The following AUTS2 variants were observed in gnomAD, a reference collection of about 807,000 sequenced individuals.
AUTS2 encodes activator of transcription and developmental regulator AUTS2, also known as autism susceptibility gene 2 protein.
In AUTS2, 17 loss-of-function variants were observed where a neutral mutation model predicts 112.4. The ratio of observed to expected loss-of-function variants is 0.15; its 90% CI spans 0.10 to 0.23. The LOEUF (loss-of-function observed/expected upper bound fraction) is 0.23. AUTS2 is among the 10% of genes least tolerant of loss of function. AUTS2 has a pLI of 1.00. For synonymous variants in AUTS2, 751 were observed against 702.7 expected (o/e 1.07, Z -1.09); for missense variants, 1,510 against 1,701.6 (o/e 0.89, Z 1.98).
intron 1 of AUTS2, among the ~76,000 whole-genome samples, chr7:69,880,788 G>A (rs1191688591): frequency 2.0e-5 from 3 of 152,228 alleles, no homozygotes; most frequent in Non-Finnish European, 2.9e-5. Context: ...AGAGGGTGGT[G>A]ACAATGGTGG....
chr7:69,821,491 G>A (rs761562911), intron 1 of AUTS2, among the ~76,000 whole-genome samples: 11 of 152,200 alleles, frequency 7.2e-5, no homozygotes, highest in Non-Finnish European at 1.6e-4. Flanking sequence ...GGCTACCCCA[G>A]CCAGCGGTAG....
intron 4 of AUTS2, among the ~76,000 whole-genome samples, chr7:70,366,401 C>T (rs1792571956): frequency 6.6e-6 from 1 of 151,936 alleles, no homozygotes; most frequent in South Asian, 2.1e-4. Context: ...GTAAAGCTCC[C>T]CAGAGAGAGA....
chr7:70,170,148 T>C (rs1808593952), intron 4 of AUTS2, among the ~76,000 whole-genome samples: 1 of 149,624 alleles, frequency 6.7e-6, no homozygotes, highest in Non-Finnish European at 1.5e-5. Flanking sequence ...ATTTGATAGC[T>C]AAATGCAAGT....
intron 5 of AUTS2, among the ~76,000 whole-genome samples, chr7:70,444,339 T>C (rs1331742449): frequency 7.1e-6 from 1 of 140,446 alleles, no homozygotes; most frequent in East Asian, 2.0e-4. Context: ...TTTTTGGTCA[T>C]GTACGTGTGT....
chr7:70,380,013 G>A (rs540432609), intron 4 of AUTS2, among the ~76,000 whole-genome samples: 5 of 152,300 alleles, frequency 3.3e-5, no homozygotes, highest in African/African-American at 9.6e-5. Context: ...ATTCTCCAGG[G>A]TGAGGATGCA....
chr7:70,479,648 AT>A (rs200926776), intron 5 of AUTS2, among the ~76,000 whole-genome samples: 6 of 149,472 alleles, frequency 4.0e-5, no homozygotes, highest in African/African-American at 1.5e-4. Flanking sequence ...AAAAAAAAAA[AT>A]GATGCCAAAG....
At chr7:70,181,128 C>CT (rs1308096390) in intron 4 of AUTS2, among the ~76,000 whole-genome samples, 7 of 152,220 alleles carry the variant, frequency 4.6e-5, no homozygotes, top group South Asian at 4.1e-4. Context: ...ATTCAGGTTG[C>CT]TATGTTTTGC....
intron 5 of AUTS2, among the ~76,000 whole-genome samples, chr7:70,482,189 C>G (rs1028154498): frequency 4.6e-5 from 7 of 152,166 alleles, no homozygotes; most frequent in Non-Finnish European, 7.3e-5. Flanking sequence ...AAGCATTTCT[C>G]CTTAAAACCT....
intron 5 of AUTS2, among the ~76,000 whole-genome samples, chr7:70,614,479 G>T (rs536089492): frequency 6.6e-6 from 1 of 152,302 alleles, no homozygotes; most frequent in East Asian, 1.9e-4. Flanking sequence ...CTAAGTGGAG[G>T]TGTGGGGGTT....
intron 2 of AUTS2, among the ~76,000 whole-genome samples, chr7:70,028,468 A>G (rs1800626013): frequency 6.6e-6 from 1 of 152,180 alleles, no homozygotes; most frequent in East Asian, 1.9e-4. Context: ...TAAGTATTAA[A>G]TGAAGCCTCA....
At chr7:70,403,208 A>C (rs1232135367) in intron 4 of AUTS2, among the ~76,000 whole-genome samples, 2 of 152,186 alleles carry the variant, frequency 1.3e-5, no homozygotes, top group Non-Finnish European at 2.9e-5. Flanking sequence ...AGGGTATGTA[A>C]TCACAAAATG....
chr7:70,698,125 A>G (rs1437139859), intron 5 of AUTS2, among the ~76,000 whole-genome samples: 1 of 152,182 alleles, frequency 6.6e-6, no homozygotes, highest in East Asian at 1.9e-4. Flanking sequence ...GTTGGCTTAC[A>G]CTTTTTAGTG....
chr7:70,238,927 A>G (rs1812464754), intron 4 of AUTS2, among the ~76,000 whole-genome samples: 2 of 152,272 alleles, frequency 1.3e-5, no homozygotes, highest in South Asian at 4.1e-4. Context: ...TTTATCAATT[A>G]GTAGAACTCC....
At chr7:70,205,935 C>T (rs1314275490) in intron 4 of AUTS2, among the ~76,000 whole-genome samples, 1 of 152,122 alleles carries the variant, frequency 6.6e-6, no homozygotes, top group African/African-American at 2.4e-5. Context: ...GTTAAGCTAG[C>T]CCTTAAAGAA....
At chr7:70,061,270 C>G (rs1274495131) in intron 2 of AUTS2, among the ~76,000 whole-genome samples, 2 of 152,174 alleles carry the variant, frequency 1.3e-5, no homozygotes, top group Non-Finnish European at 1.5e-5. Context: ...TCCCTAGTAG[C>G]CTGCCTGGCA....
At chr7:70,342,323 C>CTT (rs551510185) in intron 4 of AUTS2, among the ~76,000 whole-genome samples, 23 of 141,708 alleles carry the variant, frequency 1.6e-4, no homozygotes, top group African/African-American at 4.7e-4. Context: ...ATAATTTTTT[C>CTT]TTTTTTTTTT....
chr7:70,716,637 A>C (rs1323235169), intron 6 of AUTS2, among the ~76,000 whole-genome samples: 1 of 28,442 alleles, frequency 3.5e-5, no homozygotes, highest in Non-Finnish European at 7.2e-5. Flanking sequence ...ACTCCGTCTC[A>C]AAAAAAAAAA....
chr7:69,600,023 G>C, intron 1 of AUTS2, 61 bp downstream of exon 1: 2 of 1,561,084 alleles, frequency 1.3e-6, no homozygotes, highest in Non-Finnish European at 1.8e-6. Flanking sequence ...GGCTGCGCCC[G>C]GCTCTCCTGC....
At chr7:70,408,433 C>T (rs77062576) in intron 4 of AUTS2, among the ~76,000 whole-genome samples, 7,611 of 152,144 alleles carry the variant, frequency 0.05, 276 homozygotes, top group Middle Eastern at 0.11. Flanking sequence ...TAAGAGGGCA[C>T]ATTATGAGAA....
Sources: gnomAD v4.1 joint callset for allele counts (sites outside exome capture counted in the v4.1 genomes callset) on GRCh38, gnomAD v4.1.1 for gene constraint, MANE v1.5 for transcripts, NCBI Gene and HGNC (gene_info 2026-07-23, HGNC 2026-07-21) for gene names.